The following STAG1 variants were observed in gnomAD, a reference collection of about 807,000 sequenced individuals.
STAG1 encodes STAG1 cohesin complex component, also known as cohesin subunit SA-1.
Under a neutral mutation model 170.9 loss-of-function variants are expected in STAG1, and 26 were observed. The ratio of observed to expected loss-of-function variants is 0.15; its 90% CI spans 0.11 to 0.21. The LOEUF (loss-of-function observed/expected upper bound fraction) is 0.21. STAG1 is among the 10% of genes least tolerant of loss of function. STAG1 has a pLI of 1.00. For missense variants in STAG1, 964 were observed against 1,509.5 expected (o/e 0.64, Z 5.99); for synonymous variants, 514 against 497.7 (o/e 1.03, Z -0.44).
At chr3:136,338,952 G>C (rs546917370) in intron 32 of STAG1, among the ~76,000 whole-genome samples, 1 of 152,122 alleles carries the variant, frequency 6.6e-6, no homozygotes, top group Non-Finnish European at 1.5e-5. Context: ...AAAATGTTAC[G>C]GGCTGAATTA....
At chr3:136,438,240 CTTTTTTTTTTTTT>C (rs371190637) in intron 15 of STAG1, among the ~76,000 whole-genome samples, 1 of 128,210 alleles carries the variant, frequency 7.8e-6, no homozygotes, top group Non-Finnish European at 1.6e-5. Context: ...AGTTTCTTTT[CTTTTTTTTTTTTT>C]TTTTGAGATG....
chr3:136,404,867 G>A (rs200965752), intron 21 of STAG1, among the ~76,000 whole-genome samples: 1 of 66,372 alleles, frequency 1.5e-5, no homozygotes, highest in African/African-American at 3.3e-5. Context: ...GCATATATGT[G>A]TGTGTGTGTG....
At chr3:136,397,455 CTT>C (rs34980781) in intron 22 of STAG1, among the ~76,000 whole-genome samples, 1 of 149,532 alleles carries the variant, frequency 6.7e-6, no homozygotes, top group African/African-American at 2.5e-5. Flanking sequence ...TTTTTTCTTT[CTT>C]TTTTTTTTAC....
chr3:136,693,741 T>A lies in STAG1; in HGVS notation c.-84+58454A>T, dbSNP rs183112712. On this transcript the variant is annotated intron_variant, in intron 1 of 33. Coordinates refer to ENST00000383202, the MANE Select transcript of STAG1 (RefSeq NM_005862.3). ...ACACCCCCATACTCAGCTAATTATT[T>A]TTTTTTTTTTAAGAGACGGGGTCTC... Among the ~76,000 whole-genome samples the A allele has an allele frequency of 4.0e-3, 604 of 151,956 alleles. 3 individuals carry two copies. Among genetic ancestry groups the A allele is most frequent in the Middle Eastern group, 0.031 (9 of 292 alleles).
chr3:136,551,416 T>C (rs916966252), intron 5 of STAG1, among the ~76,000 whole-genome samples: 1 of 136,460 alleles, frequency 7.3e-6, no homozygotes, highest in East Asian at 2.2e-4. Context: ...CAGGCATCAA[T>C]ACATCTGGCT....
intron 1 of STAG1, among the ~76,000 whole-genome samples, chr3:136,709,289 C>CA (rs60595961): frequency 0.27 from 41,014 of 149,486 alleles, 5,628 homozygotes; most frequent in African/African-American, 0.32. Flanking sequence ...GACTCTGTCT[C>CA]AAAAAAAACA....
At chr3:136,609,370 AAT>A (rs1218040557) in intron 3 of STAG1, 1 of 146,470 alleles carries the variant, frequency 6.8e-6, no homozygotes, top group Middle Eastern at 3.3e-3. Flanking sequence ...TTTGTATATA[AAT>A]ATATATTTGT....
intron 5 of STAG1, among the ~76,000 whole-genome samples, chr3:136,562,414 C>T (rs943050373): frequency 6.6e-6 from 1 of 151,652 alleles, no homozygotes; most frequent in Non-Finnish European, 1.5e-5. Flanking sequence ...GCACCCACCA[C>T]CACGCCCGGC....
chr3:136,491,969 G>C (rs974606543), intron 9 of STAG1, among the ~76,000 whole-genome samples: 1 of 152,152 alleles, frequency 6.6e-6, no homozygotes, highest in South Asian at 2.1e-4. Flanking sequence ...CTCCAGCCTG[G>C]GAGACAGAGC....
chr3:136,516,444 G>A (rs1032427830), intron 7 of STAG1, among the ~76,000 whole-genome samples: 2 of 151,976 alleles, frequency 1.3e-5, no homozygotes, highest in African/African-American at 4.8e-5. Context: ...GGAAGCGGGG[G>A]TTGCAAGGAA....
At position 136,690,304 on chromosome 3, in the gene STAG1, T is replaced by G. The variant is rs914231188; in HGVS notation, c.-83-59323A>C. ...CAGGCTGGAGTGCAGTGGCACAATC[T>G]CAGCACTTTGCAACCTCCACGTCCC... On this transcript the variant is annotated intron_variant, in intron 1 of 33. Coordinates refer to ENST00000383202, the MANE Select transcript of STAG1 (RefSeq NM_005862.3). Among the ~76,000 whole-genome samples, 6 of 152,292 alleles carry G rather than the reference T, an allele frequency of 3.9e-5. No individual in the cohort carries two copies. In the East Asian group the frequency reaches 9.7e-4, roughly 25 times the overall value.
At chr3:136,515,289 C>A (rs770273203) in intron 7 of STAG1, among the ~76,000 whole-genome samples, 1 of 152,128 alleles carries the variant, frequency 6.6e-6, no homozygotes, top group African/African-American at 2.4e-5. Flanking sequence ...CACTTGAACT[C>A]AGGAGGGGGA....
intron 21 of STAG1, among the ~76,000 whole-genome samples, chr3:136,406,825 T>C (rs2107705422): frequency 6.7e-6 from 1 of 148,938 alleles, no homozygotes; most frequent in South Asian, 2.1e-4. Context: ...CAGTAAAAGG[T>C]TAACTTCCGT....
In STAG1 at chr3:136,735,516, A is replaced by G. The variant is rs563057293; in HGVS notation, c.-84+16679T>C. 2.6e-5 allele frequency among the ~76,000 whole-genome samples: 4 copies of G among 151,988 alleles called. No homozygotes were observed. The East Asian group carries it at 7.7e-4, about 29-fold the overall frequency. ...CACTGGCATGATCTCAGCTCACTGG[A>G]ACCTCCGCCTCCTGGGTTCAAGTGA... On this transcript the variant is annotated intron_variant, in intron 1 of 33. Coordinates refer to ENST00000383202, the MANE Select transcript of STAG1 (RefSeq NM_005862.3).
intron 26 of STAG1, among the ~76,000 whole-genome samples, chr3:136,361,414 A>C (rs564569354): frequency 6.6e-6 from 1 of 152,342 alleles, no homozygotes; most frequent in Non-Finnish European, 1.5e-5. Flanking sequence ...ACACCTGTGC[A>C]TATCCATGTA....
chr3:136,632,124 GA>G lies in STAG1; in HGVS notation c.-83-1144del, dbSNP rs889151875. On this transcript the variant is annotated intron_variant, in intron 1 of 33. Transcript: ENST00000383202. ...CATCTTAAAAGTACTGACAGAGGGGGAAAAAAAAAGTCAACCCTGAATTACA... is the reference window on the plus strand; with the variant it reads ...CATCTTAAAAGTACTGACAGAGGGGGAAAAAAAAGTCAACCCTGAATTACA... Among the ~76,000 whole-genome samples, 38 of 150,420 alleles carry G rather than the reference GA, an allele frequency of 2.5e-4. 1 individual carries two copies. Among genetic ancestry groups the G allele is most frequent in the Non-Finnish European group, 4.4e-4 (30 of 67,570 alleles).
chr3:136,347,718 T>C (rs1391802910), intron 29 of STAG1, among the ~76,000 whole-genome samples: 1 of 152,246 alleles, frequency 6.6e-6, no homozygotes, highest in Non-Finnish European at 1.5e-5. Context: ...GAGGCATTAC[T>C]ATACAATGAT....
At chr3:136,716,987 T>A (rs959318020) in intron 1 of STAG1, among the ~76,000 whole-genome samples, 5 of 152,364 alleles carry the variant, frequency 3.3e-5, no homozygotes, top group Admixed American at 1.3e-4. Flanking sequence ...CAACAACATA[T>A]ACCACCATCA....
At chr3:136,738,521 C>T (rs1423409496) in intron 1 of STAG1, among the ~76,000 whole-genome samples, 1 of 151,938 alleles carries the variant, frequency 6.6e-6, no homozygotes, top group South Asian at 2.1e-4. Flanking sequence ...CACGGTGGCA[C>T]GCGCCTGAGG....
Sources: gnomAD v4.1 joint callset for allele counts (sites outside exome capture counted in the v4.1 genomes callset) on GRCh38, gnomAD v4.1.1 for gene constraint, MANE v1.5 for transcripts, NCBI Gene and HGNC (gene_info 2026-07-23, HGNC 2026-07-21) for gene names.